VWA3A: variants seen among roughly 807,000 people sequenced by gnomAD.
VWA3A encodes the protein von Willebrand factor A domain-containing protein 3A.
VWA3A carries 134 observed loss-of-function variants against 160.4 expected under a neutral mutation model. The ratio of observed to expected loss-of-function variants is 0.84; its 90% CI spans 0.73 to 0.96. The LOEUF is 0.96. Ranked by LOEUF, VWA3A falls within the 40% of genes least tolerant of loss-of-function variation. VWA3A has a pLI of 0.00. For synonymous variants in VWA3A, 476 were observed against 543.4 expected (o/e 0.88, Z 1.72); for missense variants, 1,310 against 1,447.9 (o/e 0.90, Z 1.55).
chr16:22,105,054 A>G (rs2045461127), intron 6 of VWA3A, among the ~76,000 whole-genome samples: 1 of 152,112 alleles, frequency 6.6e-6, no homozygotes, highest in Non-Finnish European at 1.5e-5. Flanking sequence ...TCAGATCCAG[A>G]ACCTCCTTCA....
At chr16:22,134,045 C>A (rs961781968) in intron 20 of VWA3A, among the ~76,000 whole-genome samples, 4 of 152,040 alleles carry the variant, frequency 2.6e-5, no homozygotes, top group Non-Finnish European at 4.4e-5. Context: ...TTCACTGCAG[C>A]CTCAACCTCC....
rs1221651607 is a variant in VWA3A, at chr16:22,141,708, T to C, written c.2494+16T>C. On this transcript the variant is annotated intron_variant, in intron 24 of 33. Coordinates refer to ENST00000389398, the MANE Select transcript of VWA3A (RefSeq NM_173615.5). ...AATGACGTGGGTAAGTTAGAGGCTATACAGGTGTCTGGACAGCCCCCTGGC... is the reference window on the plus strand; with the variant it reads ...AATGACGTGGGTAAGTTAGAGGCTACACAGGTGTCTGGACAGCCCCCTGGC... 1 of 1,594,044 alleles carries C rather than the reference T, an allele frequency of 6.3e-7. No homozygotes were observed. The highest frequency in any genetic ancestry group is 1.1e-5 in the South Asian group (1 of 87,910).
At chr16:22,124,797 G>A (rs2045813279) in intron 16 of VWA3A, among the ~76,000 whole-genome samples, 1 of 152,122 alleles carries the variant, frequency 6.6e-6, no homozygotes, top group East Asian at 1.9e-4. Context: ...GAGGTTTTGT[G>A]ACTTGCCTAA....
intron 16 of VWA3A, among the ~76,000 whole-genome samples, chr16:22,125,372 A>G (rs1309295373): frequency 6.6e-6 from 1 of 151,580 alleles, no homozygotes; most frequent in African/African-American, 2.4e-5. Context: ...GGCAACAGAG[A>G]GAGACCGTCT....
intron 19 of VWA3A, 153 bp from the exon 20 acceptor site, chr16:22,132,747 G>A (rs2045970627): frequency 2.8e-6 from 2 of 708,432 alleles, no homozygotes. Context: ...GAGAGAAACT[G>A]CAACCCAGCC....
chr16:22,147,103 G>A (rs1243481343), intron 27 of VWA3A, among the ~76,000 whole-genome samples: 1 of 152,116 alleles, frequency 6.6e-6, no homozygotes, highest in Admixed American at 6.5e-5. Context: ...ATGGCTTACT[G>A]CAGCCTTGAA....
chr16:22,148,385 AG>A, intron 28 of VWA3A, 79 bp downstream of exon 28: 1 of 1,495,416 alleles, frequency 6.7e-7, no homozygotes, highest in Non-Finnish European at 8.9e-7. Flanking sequence ...CCCTCTTCTC[AG>A]TGCCAACAGG....
intron 17 of VWA3A, among the ~76,000 whole-genome samples, chr16:22,130,582 C>A (rs79653483): frequency 6.6e-6 from 1 of 151,972 alleles, no homozygotes; most frequent in Non-Finnish European, 1.5e-5. Context: ...ACAAATGAGA[C>A]AATGTGGGTT....
chr16:22,133,522 C>T (rs2045985682), intron 20 of VWA3A, among the ~76,000 whole-genome samples: 1 of 151,808 alleles, frequency 6.6e-6, no homozygotes, highest in South Asian at 2.1e-4. Flanking sequence ...ATGGCACATA[C>T]CTGTAGTCCC....
intron 11 of VWA3A, 110 bp from the exon 12 acceptor site, chr16:22,118,788 GGAGA>G: frequency 7.1e-7 from 1 of 1,413,848 alleles, no homozygotes; most frequent in East Asian, 2.3e-5. Context: ...AAGGCCTGGT[GGAGA>G]GAGTCTGACC....
chr16:22,136,031 T>C (rs1220122580), intron 21 of VWA3A, among the ~76,000 whole-genome samples: 2 of 152,156 alleles, frequency 1.3e-5, no homozygotes, highest in African/African-American at 2.4e-5. Context: ...TCTCAGCTGA[T>C]CTGCCTGCCT....
At chr16:22,126,575 T>G (rs1431650659) in intron 17 of VWA3A, among the ~76,000 whole-genome samples, 2 of 152,064 alleles carry the variant, frequency 1.3e-5, no homozygotes, top group Non-Finnish European at 2.9e-5. Context: ...ATTGGCCCAT[T>G]TGGCTTCCAA....
At chr16:22,122,414 C>T (rs868030707) in intron 14 of VWA3A, among the ~76,000 whole-genome samples, 1 of 147,826 alleles carries the variant, frequency 6.8e-6, no homozygotes, top group African/African-American at 2.5e-5. Context: ...GAATAAAGGA[C>T]AAGTGAAAGA....
chr16:22,110,826 G>A (rs888778532), intron 7 of VWA3A, 62 bp from the exon 8 acceptor site: 57 of 1,496,466 alleles, frequency 3.8e-5, no homozygotes, highest in Non-Finnish European at 4.9e-5. Flanking sequence ...AGGCCAGAGA[G>A]GCAAAGCCAG....
chr16:22,121,756 T>C (rs1316297938), intron 14 of VWA3A, 139 bp downstream of exon 14: 7 of 666,198 alleles, frequency 1.1e-5, no homozygotes, highest in Non-Finnish European at 1.8e-5. Context: ...GCACATCAAA[T>C]CCACTGTAGC....
Position 22,116,879 on chromosome 16 carries a change from A to C in VWA3A, c.924+12A>C, listed in dbSNP as rs774669649. The C allele has an allele frequency of 6.9e-5, 111 of 1,608,126 alleles. No individual in the cohort carries two copies. Among genetic ancestry groups the C allele is most frequent in the Non-Finnish European group, 9.1e-5 (107 of 1,176,416 alleles). On this transcript the variant is annotated intron_variant, in intron 10 of 33. Coordinates refer to ENST00000389398, the MANE Select transcript of VWA3A (RefSeq NM_173615.5). ...ATCAGATGCCCCCTGTGAGTGCCCGAGATTCTCTGAGGTGCCCCTTGGCTT... is the reference window on the plus strand; with the variant it reads ...ATCAGATGCCCCCTGTGAGTGCCCGCGATTCTCTGAGGTGCCCCTTGGCTT...
chr16:22,106,924 C>T (rs146706859), intron 6 of VWA3A, among the ~76,000 whole-genome samples: 1 of 152,252 alleles, frequency 6.6e-6, no homozygotes, highest in African/African-American at 2.4e-5. Context: ...GCCAGAGTGC[C>T]TGGGCCAGTG....
chr16:22,136,384 G>A (rs1455417984), intron 21 of VWA3A, among the ~76,000 whole-genome samples: 1 of 152,120 alleles, frequency 6.6e-6, no homozygotes, highest in Non-Finnish European at 1.5e-5. Context: ...GGCGGGTCTG[G>A]GACAAGGGTG....
In VWA3A at chr16:22,152,643, C is replaced by T; in HGVS notation, c.3405+9C>T. 6.3e-7 allele frequency: 1 copy of T among 1,597,392 alleles called. No individual in the cohort carries two copies. Among genetic ancestry groups the T allele is most frequent in the Non-Finnish European group, 8.5e-7 (1 of 1,171,702 alleles). ...GCTTCATCAATGAAAAGGTAGGTTG[C>T]AGAGCCACTGAGCATGAGGTCTGTT... On this transcript the variant is annotated intron_variant, in intron 31 of 33. Coordinates refer to ENST00000389398, the MANE Select transcript of VWA3A (RefSeq NM_173615.5).
Sources: allele counts gnomAD v4.1 joint callset (sites outside exome capture counted in the v4.1 genomes callset), GRCh38; gene constraint gnomAD v4.1.1; transcripts MANE v1.5; gene names NCBI Gene and HGNC (gene_info 2026-07-23, HGNC 2026-07-21).